The following ANKH variants were observed in gnomAD, a reference collection of about 807,000 sequenced individuals.
ANKH encodes the protein mineralization regulator ANKH.
In ANKH, 15 loss-of-function variants were observed where a neutral mutation model predicts 49.0. The ratio of observed to expected loss-of-function variants is 0.31; its 90% CI spans 0.20 to 0.47. ANKH has a LOEUF of 0.47. Ranked by LOEUF, ANKH falls within the 20% of genes least tolerant of loss-of-function variation. The probability of loss-of-function intolerance (pLI) is 1.00; values close to 1 mark genes in which losing one functional copy is unlikely to be tolerated. For missense variants in ANKH, 429 were observed against 652.0 expected (o/e 0.66, Z 3.72); for synonymous variants, 273 against 260.0 (o/e 1.05, Z -0.48).
chr5:14,771,941 A>AC lies in ANKH; in HGVS notation c.97-2751_97-2750insG, dbSNP rs1197677577. ...AAAAAGAAAAAAAAAAAAAAAAAAA[A>AC]AAAAAACCAAAACAAAACAAAACAA... On this transcript the variant is annotated intron_variant, in intron 1 of 11. Transcript: ENST00000284268. Among the ~76,000 whole-genome samples, 716 of 150,520 alleles carry AC rather than the reference A, an allele frequency of 4.8e-3. 5 individuals are homozygous for AC. The highest frequency in any genetic ancestry group is 7.8e-3 in the Non-Finnish European group (526 of 67,350).
intron 1 of ANKH, among the ~76,000 whole-genome samples, chr5:14,804,630 A>G (rs1740651550): frequency 6.6e-6 from 1 of 152,218 alleles, no homozygotes; most frequent in Non-Finnish European, 1.5e-5. Flanking sequence ...CAGGGGCTGA[A>G]AATAGAATAA....
intron 8 of ANKH, among the ~76,000 whole-genome samples, chr5:14,730,557 T>A (rs774548968): frequency 2.6e-5 from 4 of 152,114 alleles, no homozygotes; most frequent in Non-Finnish European, 4.4e-5. Flanking sequence ...AAAACGTGCA[T>A]CCATGCCTTC....
chr5:14,853,885 A>G (rs1742186106), intron 1 of ANKH, among the ~76,000 whole-genome samples: 1 of 152,164 alleles, frequency 6.6e-6, no homozygotes. Flanking sequence ...CATTTACTAT[A>G]CACAAAGATA....
chr5:14,815,392 A>C (rs993931305), intron 1 of ANKH, among the ~76,000 whole-genome samples: 1 of 152,228 alleles, frequency 6.6e-6, no homozygotes, highest in Non-Finnish European at 1.5e-5. Context: ...GTATGGATAT[A>C]TACTTGTGTT....
At chr5:14,837,806 T>C (rs1157658883) in intron 1 of ANKH, among the ~76,000 whole-genome samples, 2 of 152,202 alleles carry the variant, frequency 1.3e-5, no homozygotes, top group African/African-American at 4.8e-5. Context: ...ATCATGCTGC[T>C]ATAAAGACAC....
chr5:14,862,914 C>T (rs1230917660), intron 1 of ANKH, among the ~76,000 whole-genome samples: 6 of 152,134 alleles, frequency 3.9e-5, no homozygotes. Flanking sequence ...AGTACAAATG[C>T]TTTTCCCAAA....
chr5:14,813,753 A>T (rs1232274216), intron 1 of ANKH, among the ~76,000 whole-genome samples: 1 of 152,134 alleles, frequency 6.6e-6, no homozygotes, highest in Non-Finnish European at 1.5e-5. Context: ...GCTTCTTGCC[A>T]TTGCTCCAGC....
chr5:14,848,880 ACCGG>A (rs1426890850), intron 1 of ANKH, among the ~76,000 whole-genome samples: 1 of 152,180 alleles, frequency 6.6e-6, no homozygotes, highest in Non-Finnish European at 1.5e-5. Context: ...ACAAAGACCC[ACCGG>A]TAACAGCAAT....
rs1429627664 is a variant in ANKH, at chr5:14,713,633, C to T, written c.1176G>A (p.Met392Ile). 1 of 1,614,220 alleles carries T rather than the reference C, an allele frequency of 6.2e-7. No homozygotes were observed. Among genetic ancestry groups the T allele is most frequent in the Non-Finnish European group, 8.5e-7 (1 of 1,180,044 alleles). ...TVRAHLTGWL[M>I]TLKKTFVLAP... ...CAAGGACGAAGGTTTTCTTCAGTGT[C>T]ATCAGCCACCCGGTGAGATGCGCCC... Residue 392 changes from methionine (M) to isoleucine (I), a missense_variant, in exon 10 of 12, where the codon ATG (methionine) becomes ATA (isoleucine). Coordinates refer to ENST00000284268, the MANE Select transcript of ANKH (RefSeq NM_054027.6). The surrounding 1 kb of genome is among the most constrained non-coding windows in gnomAD (Gnocchi z 4.4).
intron 7 of ANKH, among the ~76,000 whole-genome samples, chr5:14,742,683 CTGAGA>C (rs1738401879): frequency 6.6e-6 from 1 of 152,342 alleles, no homozygotes; most frequent in South Asian, 2.1e-4. Context: ...GCTGTGCTTG[CTGAGA>C]TAACGCCCTG....
intron 2 of ANKH, 132 bp downstream of exon 2, chr5:14,768,843 C>T: frequency 9.9e-7 from 1 of 1,011,034 alleles, no homozygotes; most frequent in Non-Finnish European, 1.5e-6. Flanking sequence ...TCCTTCTATC[C>T]CCTGAAAATT....
intron 8 of ANKH, among the ~76,000 whole-genome samples, chr5:14,719,850 C>T (rs901549907): frequency 4.6e-5 from 7 of 152,098 alleles, no homozygotes; most frequent in South Asian, 4.2e-4. Flanking sequence ...AAACTTGGTG[C>T]TAACTTTAAA....
rs1470219820 is a variant in ANKH, at chr5:14,751,083, C to T, written c.673G>A (p.Gly225Ser). The change falls in exon 5 of 12, where the codon GGC becomes AGC. Residue 225 changes from glycine to serine, a missense_variant. Physicochemically the swap from Gly to Ser is moderately conservative, Grantham distance 56 (BLOSUM62 0). Coordinates refer to ENST00000284268, the MANE Select transcript of ANKH (RefSeq NM_054027.6). ...GGTAGACGTACCCCCAGCTCCGGGC[C>T]ACTTCTGTCAGGGATGATGTCGTGA... ...NIHDIIPDRS[G>S]PELGGDATIR... 3 of 1,614,122 alleles carry T rather than the reference C, an allele frequency of 1.9e-6. No homozygotes were observed. In the East Asian group the frequency reaches 6.7e-5, roughly 36 times the overall value.
chr5:14,811,942 G>A (rs992992425), intron 1 of ANKH, among the ~76,000 whole-genome samples: 1 of 151,974 alleles, frequency 6.6e-6, no homozygotes, highest in African/African-American at 2.4e-5. Context: ...CACCACTGTG[G>A]CTCATTAGAA....
At chr5:14,786,045 C>CAAAAAA (rs71603742) in intron 1 of ANKH, among the ~76,000 whole-genome samples, 1 of 67,206 alleles carries the variant, frequency 1.5e-5, no homozygotes, top group Non-Finnish European at 3.0e-5. Flanking sequence ...GACTCTGTCT[C>CAAAAAA]AAAAAAAAAA....
At chr5:14,743,494 C>CT (rs1580024883) in intron 7 of ANKH, among the ~76,000 whole-genome samples, 1 of 152,178 alleles carries the variant, frequency 6.6e-6, no homozygotes, top group African/African-American at 2.4e-5. Context: ...CAGAAGCATC[C>CT]TTTTTTGCAG....
intron 1 of ANKH, among the ~76,000 whole-genome samples, chr5:14,829,170 G>A (rs1310672336): frequency 1.6e-5 from 2 of 128,378 alleles, no homozygotes; most frequent in Non-Finnish European, 3.1e-5. Flanking sequence ...GGGCGACAGA[G>A]AGAGACTCTG....
rs566840941 is a variant in ANKH at position 14,837,069 on chromosome 5, T to G, written c.96+34283A>C. 1.8e-4 allele frequency among the ~76,000 whole-genome samples: 28 copies of G among 152,276 alleles called. No homozygotes were observed. The South Asian group carries it at 3.3e-3, about 18-fold the overall frequency. On this transcript the variant is annotated intron_variant, in intron 1 of 11. Transcript: ENST00000284268. ...GCTGGGAAAACTGGCTAGCCATATG[T>G]AGAAAGCTGAAACTGGATCCCTTCC...
intron 1 of ANKH, among the ~76,000 whole-genome samples, chr5:14,774,046 T>A (rs542564574): frequency 6.6e-5 from 10 of 152,346 alleles, no homozygotes; most frequent in Non-Finnish European, 1.5e-4. Context: ...TTCAAAAGTA[T>A]GAAAAAAGCT....
Sources: allele counts gnomAD v4.1 joint callset (sites outside exome capture counted in the v4.1 genomes callset), GRCh38; gene constraint gnomAD v4.1.1; non-coding constraint Gnocchi (gnomAD v3.1); transcripts MANE v1.5; gene names NCBI Gene and HGNC (gene_info 2026-07-23, HGNC 2026-07-21).